MYO1D: variants seen among roughly 807,000 people sequenced by gnomAD.
The protein encoded by MYO1D is unconventional myosin-Id.
A neutral mutation model predicts 122.0 loss-of-function variants in MYO1D; 83 were observed. The observed-to-expected ratio is 0.68, with a 90% CI of 0.57 to 0.82. The LOEUF (loss-of-function observed/expected upper bound fraction) is 0.82, where lower values mean the gene tolerates loss of function less well. Among genes scored for constraint, MYO1D ranks in the 40% least tolerant of loss-of-function variants. The pLI is 0.00. For missense variants in MYO1D, 1,157 were observed against 1,269.5 expected (o/e 0.91, Z 1.35); for synonymous variants, 464 against 446.9 (o/e 1.04, Z -0.48).
intron 21 of MYO1D, among the ~76,000 whole-genome samples, chr17:32,574,677 C>T (rs964363137): frequency 6.6e-6 from 1 of 152,188 alleles, no homozygotes; most frequent in Non-Finnish European, 1.5e-5. Context: ...GAGCCTGGCA[C>T]TTCTGAGTGT....
At chr17:32,876,630 T>A (rs1286175818) in intron 1 of MYO1D, 148 bp downstream of exon 1, 1 of 571,998 alleles carries the variant, frequency 1.7e-6, no homozygotes, top group Admixed American at 4.4e-5. Flanking sequence ...CCGCGGAGCT[T>A]GGCAGACCCC....
At chr17:32,791,351 G>A (rs192390048) in intron 1 of MYO1D, among the ~76,000 whole-genome samples, 105 of 134,290 alleles carry the variant, frequency 7.8e-4, no homozygotes, top group African/African-American at 2.8e-3. Flanking sequence ...GCAGCAGAGC[G>A]AGACTCCGTC....
intron 4 of MYO1D, among the ~76,000 whole-genome samples, chr17:32,774,840 G>T (rs185031354): frequency 2.4e-4 from 37 of 152,286 alleles, no homozygotes; most frequent in South Asian, 2.3e-3. Flanking sequence ...GGCCATAAAG[G>T]ATGCTATGGC....
At chr17:32,612,731 A>T (rs188515386) in intron 20 of MYO1D, among the ~76,000 whole-genome samples, 28 of 151,882 alleles carry the variant, frequency 1.8e-4, no homozygotes, top group African/African-American at 6.3e-4. Flanking sequence ...AGAAATTAGA[A>T]GAGAAAAACT....
At chr17:32,629,758 C>T (rs370654054) in intron 20 of MYO1D, among the ~76,000 whole-genome samples, 14 of 150,592 alleles carry the variant, frequency 9.3e-5, no homozygotes, top group African/African-American at 2.9e-4. Flanking sequence ...AGGTATCAAT[C>T]TCACTGAAGA....
At chr17:32,729,982 G>A (rs180705584) in intron 14 of MYO1D, among the ~76,000 whole-genome samples, 4 of 152,060 alleles carry the variant, frequency 2.6e-5, no homozygotes, top group Admixed American at 1.3e-4. Flanking sequence ...GTCTGAATTG[G>A]TTTTTATCCA....
rs202020459 is a variant in MYO1D, at chr17:32,712,162, G to A, written c.1947C>T (p.Asn649=). ...CCTCTTTGTCTGAAGGAAGGTCATG[G>A]TTGGGCCAGGTGAATTCAGAGATCA... ...YKMISEFTWP[N]HDLPSDKEAV... The change falls in exon 16 of 22, where the codon AAC becomes AAT. Residue 649 remains asparagine, a synonymous_variant. Transcript: ENST00000318217. 442 of 1,613,880 alleles carry A rather than the reference G, an allele frequency of 2.7e-4. 1 individual carries two copies. In the Middle Eastern group the frequency reaches 4.1e-3, roughly 15 times the overall value.
At chr17:32,682,798 C>G (rs1229733152) in intron 16 of MYO1D, among the ~76,000 whole-genome samples, 1 of 119,868 alleles carries the variant, frequency 8.3e-6, no homozygotes, top group East Asian at 2.6e-4. Flanking sequence ...GTTGGCCTGC[C>G]TTGCTAGATT....
intron 1 of MYO1D, among the ~76,000 whole-genome samples, chr17:32,805,996 C>T (rs59275779): frequency 0.024 from 3,662 of 152,272 alleles, 125 homozygotes; most frequent in East Asian, 0.19. Flanking sequence ...CAGTGGCTCA[C>T]GCCTGTAATC....
intron 1 of MYO1D, among the ~76,000 whole-genome samples, chr17:32,814,993 C>T (rs553723108): frequency 2.0e-4 from 30 of 152,310 alleles, no homozygotes; most frequent in Admixed American, 6.5e-4. Context: ...ATGAGTTAGA[C>T]CTAGAAGTGT....
intron 20 of MYO1D, among the ~76,000 whole-genome samples, chr17:32,631,115 G>T (rs952503317): frequency 6.6e-6 from 1 of 152,096 alleles, no homozygotes; most frequent in Non-Finnish European, 1.5e-5. Flanking sequence ...TATAAATTTT[G>T]GGGGAACACA....
chr17:32,701,529 CT>C (rs1435362189), intron 16 of MYO1D, among the ~76,000 whole-genome samples: 2 of 152,058 alleles, frequency 1.3e-5, no homozygotes, highest in Non-Finnish European at 2.9e-5. Context: ...TTCATCTATT[CT>C]TGATTTTTAA....
At chr17:32,660,615 A>T (rs559855461) in intron 16 of MYO1D, among the ~76,000 whole-genome samples, 1 of 152,358 alleles carries the variant, frequency 6.6e-6, no homozygotes, top group African/African-American at 2.4e-5. Flanking sequence ...GGGTCAAGAA[A>T]AACCATAACA....
At chr17:32,731,049 T>C (rs566716404) in intron 14 of MYO1D, among the ~76,000 whole-genome samples, 5 of 152,082 alleles carry the variant, frequency 3.3e-5, no homozygotes, top group Non-Finnish European at 5.9e-5. Context: ...TGGGATTACA[T>C]GTGCATGCCA....
intron 21 of MYO1D, among the ~76,000 whole-genome samples, chr17:32,567,691 G>A (rs1254569640): frequency 6.6e-6 from 1 of 152,184 alleles, no homozygotes; most frequent in African/African-American, 2.4e-5. Flanking sequence ...GCCACTGTAG[G>A]GTCTCATTCT....
chr17:32,705,562 C>T (rs1463277336), intron 16 of MYO1D, among the ~76,000 whole-genome samples: 3 of 152,018 alleles, frequency 2.0e-5, no homozygotes, highest in South Asian at 2.1e-4. Flanking sequence ...CACACGTGGC[C>T]GATTATCTGT....
At chr17:32,500,555 C>T (rs1463008958) in intron 21 of MYO1D, among the ~76,000 whole-genome samples, 2 of 151,922 alleles carry the variant, frequency 1.3e-5, no homozygotes, top group African/African-American at 2.4e-5. Flanking sequence ...GCTGCTGTGA[C>T]GTTTGGGCAG....
intron 21 of MYO1D, chr17:32,594,693 A>G (rs1320122218): frequency 7.0e-6 from 3 of 431,588 alleles, no homozygotes; most frequent in East Asian, 6.7e-5. Context: ...GGAGACATCT[A>G]TTCAGTTCTG....
chr17:32,575,829 G>A (rs1011111123), intron 21 of MYO1D, among the ~76,000 whole-genome samples: 4 of 152,188 alleles, frequency 2.6e-5, no homozygotes, highest in Admixed American at 2.0e-4. Context: ...ACTACCTGTA[G>A]TGGCAATCAA....
Sources: allele counts gnomAD v4.1 joint callset (sites outside exome capture counted in the v4.1 genomes callset), GRCh38; gene constraint gnomAD v4.1.1; transcripts MANE v1.5; gene names NCBI Gene and HGNC (gene_info 2026-07-23, HGNC 2026-07-21).